The following ZNF469 variants were observed in gnomAD, a reference collection of about 807,000 sequenced individuals.
The protein encoded by ZNF469 is zinc finger protein 469.
Under a neutral mutation model 1.0 loss-of-function variants are expected in ZNF469, and 1 was observed. The observed-to-expected ratio is 1.00, with a 90% confidence interval of 0.35 to 4.73. The LOEUF (loss-of-function observed/expected upper bound fraction) is 4.73, where lower values mean the gene tolerates loss of function less well. Among genes scored for constraint, ZNF469 ranks in the 30% most tolerant of loss-of-function variants. The pLI, the probability that ZNF469 is intolerant of heterozygous loss-of-function variation, is 0.16. For synonymous variants in ZNF469, 2,703 were observed against 2,363.4 expected, an observed-to-expected ratio of 1.14 and a Z score of -4.17; for missense variants, 6,100 against 5,356.3, an observed-to-expected ratio of 1.14 and a Z score of -4.33.
At chr16:88,380,338 T>TG (rs1461119571), upstream of ZNF469, among the ~76,000 whole-genome samples, 1 of 42,232 alleles carries the variant, frequency 2.4e-5, no homozygotes, top group Admixed American at 2.2e-4. Context: ...CACTCACACA[T>TG]GCGCTCACAC....
At chr16:88,377,888 C>T in the ZNF469 span, among the ~76,000 whole-genome samples, 3 of 106,218 alleles carry the variant, frequency 2.8e-5, no homozygotes, top group Admixed American at 2.5e-4. Flanking sequence ...TTGTTTGATG[C>T]CAGGAAAAAA....
chr16:88,338,858 C>G, the ZNF469 span, among the ~76,000 whole-genome samples: 2 of 152,174 alleles, frequency 1.3e-5, no homozygotes, highest in Non-Finnish European at 2.9e-5. Flanking sequence ...CAGCAGGGAC[C>G]CTCCTGGAGC....
At chr16:88,327,149 C>T in the ZNF469 span, among the ~76,000 whole-genome samples, 3 of 152,196 alleles carry the variant, frequency 2.0e-5, no homozygotes, top group African/African-American at 4.8e-5. Context: ...TAGTGTCCCT[C>T]GTACTGGCAC....
intron 2 of ZNF469, among the ~76,000 whole-genome samples, 82 bp from the exon 3 acceptor site, chr16:88,427,263 G>A (rs545334825): frequency 3.3e-5 from 5 of 152,120 alleles, no homozygotes; most frequent in African/African-American, 7.2e-5. Flanking sequence ...GGCCACACCC[G>A]CATGGAGAGC....
chr16:88,183,916 AG>A, the ZNF469 span, among the ~76,000 whole-genome samples: 1 of 151,710 alleles, frequency 6.6e-6, no homozygotes, highest in East Asian at 2.0e-4. Flanking sequence ...TGGGGGAGGG[AG>A]GTCCTGTAGG....
the ZNF469 span, among the ~76,000 whole-genome samples, chr16:88,143,953 G>A: frequency 6.6e-6 from 1 of 152,156 alleles, no homozygotes; most frequent in Non-Finnish European, 1.5e-5. Flanking sequence ...CTGGCTCTGG[G>A]CCTCCCATCT....
chr16:88,267,523 T>C, the ZNF469 span, among the ~76,000 whole-genome samples: 1 of 152,176 alleles, frequency 6.6e-6, no homozygotes, highest in African/African-American at 2.4e-5. Context: ...ACGTGGTCAG[T>C]GAGGCTGGAA....
At chr16:88,223,896 G>A in the ZNF469 span, among the ~76,000 whole-genome samples, 10,850 of 152,284 alleles carry the variant, frequency 0.071, 424 homozygotes, top group Middle Eastern at 0.13. Context: ...CTCATCTCAC[G>A]CTCAGCACCG....
the ZNF469 span, among the ~76,000 whole-genome samples, chr16:88,166,763 A>G: frequency 7.6e-6 from 1 of 132,246 alleles, no homozygotes; most frequent in Non-Finnish European, 1.6e-5. The surrounding 1 kb of genome is among the most constrained non-coding windows in gnomAD (Gnocchi z 4.5). Flanking sequence ...CCAGAGAATC[A>G]GAATCATAAA....
chr16:88,292,811 A>AC, the ZNF469 span, among the ~76,000 whole-genome samples: 14 of 151,576 alleles, frequency 9.2e-5, no homozygotes, highest in Non-Finnish European at 1.5e-4. Context: ...AAAAAAAAAA[A>AC]AAAAAAAACC....
At chr16:88,287,084 C>G in the ZNF469 span, among the ~76,000 whole-genome samples, 2 of 152,184 alleles carry the variant, frequency 1.3e-5, no homozygotes, top group Non-Finnish European at 2.9e-5. Flanking sequence ...CTTTTTAAAG[C>G]TTTTCTGAAC....
the ZNF469 span, among the ~76,000 whole-genome samples, chr16:88,131,385 C>T: frequency 6.6e-6 from 1 of 152,340 alleles, no homozygotes; most frequent in African/African-American, 2.4e-5. Context: ...TAGAACCTCT[C>T]GGCTTTCCCT....
the ZNF469 span, among the ~76,000 whole-genome samples, chr16:88,314,109 G>C: frequency 7.3e-6 from 1 of 137,858 alleles, no homozygotes; most frequent in African/African-American, 2.6e-5. Flanking sequence ...GCTGTGGACT[G>C]TCATCTCTGT....
chr16:88,372,110 TCACCACCATCATC>T, the ZNF469 span, among the ~76,000 whole-genome samples: 1 of 35,692 alleles, frequency 2.8e-5, no homozygotes. Context: ...ATCATCACCA[TCACCACCATCATC>T]ACCATCACCG....
Position 88,432,941 on chromosome 16 carries a change from G to T in ZNF469, c.5471G>T (p.Gly1824Val), listed in dbSNP as rs1391518819. Residue 1824 changes from glycine (G) to valine (V), a missense_variant, in exon 3 of 3, where the codon GGT becomes GTT. Transcript: ENST00000565624. ...CCTCTGGATGCCACCTGGCCTTTTGGTGCCAGTCCCAGCCATGCTGCCCAG... is the reference window on the plus strand; with the variant it reads ...CCTCTGGATGCCACCTGGCCTTTTGTTGCCAGTCCCAGCCATGCTGCCCAG... Reference protein sequence around the residue: ...APPLDATWPFGASPSHAAQGH... With the variant: ...APPLDATWPFVASPSHAAQGH... 6.5e-7 allele frequency: 1 copy of T among 1,550,280 alleles called. No homozygotes were observed. The highest frequency in any genetic ancestry group is 1.4e-5 in the African/African-American group (1 of 73,056).
the ZNF469 span, among the ~76,000 whole-genome samples, chr16:88,342,354 G>C: frequency 6.6e-6 from 1 of 152,058 alleles, no homozygotes; most frequent in African/African-American, 2.4e-5. Context: ...ATCTCATGGG[G>C]GAGGCCAAAT....
At chr16:88,342,563 G>T in the ZNF469 span, among the ~76,000 whole-genome samples, 2 of 152,176 alleles carry the variant, frequency 1.3e-5, no homozygotes, top group Non-Finnish European at 2.9e-5. Context: ...CACCTCCTGT[G>T]GTCCCGCAGC....
At chr16:88,268,622 C>A in the ZNF469 span, among the ~76,000 whole-genome samples, 1 of 152,138 alleles carries the variant, frequency 6.6e-6, no homozygotes, top group South Asian at 2.1e-4. Context: ...TGCCTCATAT[C>A]CCCGTGGGGG....
At chr16:88,313,556 T>C in the ZNF469 span, among the ~76,000 whole-genome samples, 4 of 151,880 alleles carry the variant, frequency 2.6e-5, no homozygotes, top group Non-Finnish European at 5.9e-5. Flanking sequence ...TGGTGTGGAC[T>C]ATCTATCTCT....
Sources: allele counts gnomAD v4.1 joint callset (sites outside exome capture counted in the v4.1 genomes callset), GRCh38; gene constraint gnomAD v4.1.1; non-coding constraint Gnocchi (gnomAD v3.1); transcripts MANE v1.5; gene names NCBI Gene and HGNC (gene_info 2026-07-23, HGNC 2026-07-21).